The following BEAN1 variants were observed in gnomAD, a reference collection of about 807,000 sequenced individuals.
The protein encoded by BEAN1 is protein BEAN1.
Under a neutral mutation model 17.7 loss-of-function variants are expected in BEAN1, and 17 were observed. That is an observed-to-expected ratio of 0.96 (90% CI 0.66 to 1.44). The LOEUF is 1.44. Among genes scored for constraint, BEAN1 ranks in the 40% most tolerant of loss-of-function variants. BEAN1 has a pLI of 0.00. For synonymous variants in BEAN1, 142 were observed against 151.8 expected (o/e 0.94, Z 0.47); for missense variants, 359 against 374.1 (o/e 0.96, Z 0.33).
At chr16:66,449,758 A>G (rs1232955641) in intron 2 of BEAN1, among the ~76,000 whole-genome samples, 1 of 152,178 alleles carries the variant, frequency 6.6e-6, no homozygotes, top group Non-Finnish European at 1.5e-5. Context: ...TGTGGCTATT[A>G]TACACACGCA....
At chr16:66,458,073 G>A (rs1300229922) in intron 2 of BEAN1, among the ~76,000 whole-genome samples, 1 of 152,214 alleles carries the variant, frequency 6.6e-6, no homozygotes, top group East Asian at 1.9e-4. Context: ...TGTGACAGGA[G>A]CCATCCATTA....
At chr16:66,467,671 G>A (rs1048844127) in intron 2 of BEAN1, among the ~76,000 whole-genome samples, 3 of 152,160 alleles carry the variant, frequency 2.0e-5, no homozygotes, top group African/African-American at 4.8e-5. Context: ...TTCTCACATC[G>A]GAGGGTCAGG....
intron 2 of BEAN1, among the ~76,000 whole-genome samples, chr16:66,467,979 G>A (rs1487616798): frequency 6.6e-6 from 1 of 152,216 alleles, no homozygotes; most frequent in African/African-American, 2.4e-5. Flanking sequence ...AGGCTTTTGG[G>A]GTCAGTGCTA....
chr16:66,442,357 G>A (rs1169459449), intron 2 of BEAN1, among the ~76,000 whole-genome samples: 1 of 152,198 alleles, frequency 6.6e-6, no homozygotes, highest in Non-Finnish European at 1.5e-5. Flanking sequence ...CCTGAAAGAT[G>A]GGGCAGCCCG....
intron 3 of BEAN1, 129 bp from the exon 4 acceptor site, chr16:66,477,431 T>C (rs1287111178): frequency 4.1e-6 from 4 of 973,554 alleles, no homozygotes; most frequent in Non-Finnish European, 5.7e-6. Flanking sequence ...AAGGCAGCTG[T>C]GCTTGGTGAG....
chr16:66,494,565 G>C (rs1964220973), downstream of BEAN1, among the ~76,000 whole-genome samples: 1 of 152,194 alleles, frequency 6.6e-6, no homozygotes, highest in Non-Finnish European at 1.5e-5. Context: ...GCAGCTCTGA[G>C]TAGCCGCTTC....
intron 1 of BEAN1, among the ~76,000 whole-genome samples, chr16:66,432,791 G>A (rs1961855116): frequency 6.6e-6 from 1 of 152,274 alleles, no homozygotes; most frequent in South Asian, 2.1e-4. Context: ...AGGGTCTTTT[G>A]CCCTCTCTGC....
In BEAN1 at chr16:66,427,991, G is replaced by C. The variant is rs1433665165; in HGVS notation, c.-83+560G>C. 1 of 152,200 alleles carries C rather than the reference G, an allele frequency of 6.6e-6. No homozygotes were observed. The highest frequency in any genetic ancestry group is 1.9e-4 in the East Asian group (1 of 5,180). The allele number at this position is 152,200 out of a possible 1,614,324, so 9.4% of individuals were successfully genotyped here. ...TCGCCTGGGGTATGCCCCTGTCTCC[G>C]TGCCTCTGTCTCAGCACCGAGCGTC... is the stretch of plus-strand genomic sequence containing the variant. On this transcript the variant is annotated intron_variant, in intron 1 of 4. Coordinates refer to ENST00000536005, the MANE Select transcript of BEAN1 (RefSeq NM_001178020.3). This position sits in a 1 kb window ranked among gnomAD's most constrained non-coding sequence, Gnocchi z 4.7.
In BEAN1 at chr16:66,434,219, C is replaced by T. The variant is rs7197585; in HGVS notation, c.-82-3376C>T. 0.057 allele frequency among the ~76,000 whole-genome samples: 7,871 copies of T among 139,040 alleles called. 699 individuals carry two copies. The highest frequency in any genetic ancestry group is 0.2 in the African/African-American group (7,376 of 37,806). 91.2% of individuals were successfully genotyped at this position (139,040 alleles called of 152,430 possible). On this transcript the variant is annotated intron_variant, in intron 1 of 4. Coordinates refer to ENST00000536005, the MANE Select transcript of BEAN1 (RefSeq NM_001178020.3). The surrounding 1 kb of genome is among the most constrained non-coding windows in gnomAD (Gnocchi z 4.3). Reference sequence around the variant, plus strand: ...GGGGTGGGCCTGCCCCCGACCCCGACCCCAACCCCGACCCCGACCCCTGGC... The same window carrying T: ...GGGGTGGGCCTGCCCCCGACCCCGATCCCAACCCCGACCCCGACCCCTGGC...
At chr16:66,447,433 A>C (rs531846775) in intron 2 of BEAN1, among the ~76,000 whole-genome samples, 1 of 152,338 alleles carries the variant, frequency 6.6e-6, no homozygotes, top group African/African-American at 2.4e-5. Context: ...TGGTGAACAC[A>C]GGGGTGCTCA....
At chr16:66,447,707 C>G (rs1962507303) in intron 2 of BEAN1, among the ~76,000 whole-genome samples, 1 of 152,182 alleles carries the variant, frequency 6.6e-6, no homozygotes, top group Admixed American at 6.5e-5. Context: ...TGGAGTAACT[C>G]AGGCAAATAG....
At chr16:66,459,224 C>A (rs528885477) in intron 2 of BEAN1, among the ~76,000 whole-genome samples, 204 of 152,312 alleles carry the variant, frequency 1.3e-3, no homozygotes, top group African/African-American at 4.6e-3. Flanking sequence ...CTGCCTCTGC[C>A]CATTCTGTCC....
Position 66,469,723 on chromosome 16 carries a change from C to T in BEAN1, c.147C>T (p.Leu49=). ...CCGTCATAGGTGTGGTCATCATCCT[C>T]TCCTGCATCACCATCATTGTGGGCA... ...ASAVIGVVII[L]SCITIIVGSI... Residue 49 remains leucine (L), a synonymous_variant, in exon 3 of 5, where the codon CTC becomes CTT. Transcript: ENST00000536005. 1 of 1,536,222 alleles carries T rather than the reference C, an allele frequency of 6.5e-7. No homozygotes were observed. Among genetic ancestry groups the T allele is most frequent in the Non-Finnish European group, 8.7e-7 (1 of 1,146,928 alleles).
chr16:66,432,164 TTCTGCCCACC>T (rs1443993246), intron 1 of BEAN1, among the ~76,000 whole-genome samples: 1 of 152,198 alleles, frequency 6.6e-6, no homozygotes, highest in Admixed American at 6.5e-5. Context: ...CCTCAGTGCC[TTCTGCCCACC>T]TCTGCCCACC....
At chr16:66,447,186 C>G (rs1326527679) in intron 2 of BEAN1, among the ~76,000 whole-genome samples, 1 of 152,150 alleles carries the variant, frequency 6.6e-6, no homozygotes, top group Non-Finnish European at 1.5e-5. Flanking sequence ...AGGAGGATGA[C>G]TTGAGCCCAG....
At chr16:66,429,350 A>T (rs1340922539) in intron 1 of BEAN1, among the ~76,000 whole-genome samples, 2 of 152,186 alleles carry the variant, frequency 1.3e-5, no homozygotes, top group African/African-American at 4.8e-5. Flanking sequence ...GGGTGTCCCC[A>T]GGAAGGGATT....
intron 2 of BEAN1, among the ~76,000 whole-genome samples, chr16:66,452,821 G>A (rs1273267015): frequency 6.6e-6 from 1 of 152,102 alleles, no homozygotes; most frequent in South Asian, 2.1e-4. Context: ...CGGCCCCAGA[G>A]TAACGAAGGG....
intron 4 of BEAN1, chr16:66,479,139 G>T (rs540931578): frequency 6.6e-6 from 1 of 152,330 alleles, no homozygotes; most frequent in Non-Finnish European, 1.5e-5. Flanking sequence ...TTCCTGGGAA[G>T]GAAGATACTG....
At position 66,472,227 on chromosome 16, in the gene BEAN1, G is replaced by A. The variant is rs563194021; in HGVS notation, c.289+2362G>A. Among the ~76,000 whole-genome samples, 25 of 152,308 alleles carry A rather than the reference G, an allele frequency of 1.6e-4. No homozygotes were observed. In the South Asian group the frequency reaches 3.9e-3, roughly 24 times the overall value. ...GTGTCCCCCTCCTCTGTACCTCCTC[G>A]GCATTGCACCCATGCCTCCCTCAGT... On this transcript the variant is annotated intron_variant, in intron 3 of 4. Coordinates refer to ENST00000536005, the MANE Select transcript of BEAN1 (RefSeq NM_001178020.3).
Sources: allele counts gnomAD v4.1 joint callset (sites outside exome capture counted in the v4.1 genomes callset), GRCh38; gene constraint gnomAD v4.1.1; non-coding constraint Gnocchi (gnomAD v3.1); transcripts MANE v1.5; gene names NCBI Gene and HGNC (gene_info 2026-07-23, HGNC 2026-07-21).